Variants in PXN observed in about 807,000 individuals in gnomAD.
The protein encoded by PXN is paxillin, also known as testicular tissue protein Li 134.
A neutral mutation model predicts 103.6 loss-of-function variants in PXN; 61 were observed. That is an observed-to-expected ratio of 0.59 (90% confidence interval 0.48 to 0.73). PXN has a LOEUF of 0.73. PXN is among the 30% of genes least tolerant of loss of function. The probability of loss-of-function intolerance (pLI) is 0.00; values close to 1 mark genes in which losing one functional copy is unlikely to be tolerated. For missense variants in PXN, 1,274 were observed against 1,460.3 expected (o/e 0.87, Z 2.08); for synonymous variants, 562 against 607.8 (o/e 0.92, Z 1.11).
Position 120,224,593 on chromosome 12 carries a change from T to A in PXN, c.14-216A>T. ...CTAACTTCTTCTGGCCACCCAGGACTGAAAGTGCTCTAGAGGCGGGCTCTG... is the reference window on the plus strand; with the variant it reads ...CTAACTTCTTCTGGCCACCCAGGACAGAAAGTGCTCTAGAGGCGGGCTCTG... On this transcript the variant is annotated intron_variant, in intron 1 of 14. Transcript: ENST00000637617. This position sits in a 1 kb window ranked among gnomAD's most constrained non-coding sequence, Gnocchi z 5.0. The A allele has an allele frequency of 1.4e-6, 1 of 696,540 alleles. No homozygotes were observed. The allele number at this position is 696,540 out of a possible 1,614,324, so 43.1% of individuals were successfully genotyped here. A position where few individuals can be genotyped will look rare whatever the true frequency, so the allele number is the denominator to read the frequency against.
intron 1 of PXN, among the ~76,000 whole-genome samples, chr12:120,248,962 C>T (rs1248565031): frequency 6.6e-6 from 1 of 151,986 alleles, no homozygotes; most frequent in African/African-American, 2.4e-5. Flanking sequence ...CATGGTGAAA[C>T]TCCATCTCTA....
intron 1 of PXN, among the ~76,000 whole-genome samples, chr12:120,259,078 CAAACAAAAAA>C (rs1893459376): frequency 7.3e-6 from 1 of 137,556 alleles, no homozygotes; most frequent in Admixed American, 7.5e-5. Flanking sequence ...TCAAAACAAA[CAAACAAAAAA>C]AAACAAATAA....
Position 120,216,444 on chromosome 12 carries a change from G to C in PXN, c.2130C>G (p.Ser710=). ...TATAAGCTGAGGGCCCCAGGGGGGA[G>C]GAGGCGAGCAGGCTGGGCAGGGGAG... ...SSSPLPSLLA[S]SPLGPSAYTC... The change falls in exon 9 of 15, where the codon TCC becomes TCG. Residue 710 remains serine, a synonymous_variant. Coordinates refer to ENST00000637617, the MANE Select transcript of PXN (RefSeq NM_001385981.1). This position sits in a 1 kb window ranked among gnomAD's most constrained non-coding sequence, Gnocchi z 5.1. 7.3e-7 allele frequency: 1 copy of C among 1,378,440 alleles called. No individual in the cohort carries two copies. The highest frequency in any genetic ancestry group is 9.3e-7 in the Non-Finnish European group (1 of 1,075,470). The allele number at this position is 1,378,440 out of a possible 1,614,324, so 85.4% of individuals were successfully genotyped here.
At position 120,265,665 on chromosome 12, in the gene PXN, G is replaced by T; in HGVS notation, c.-36C>A. On this transcript the variant is annotated 5_prime_UTR_variant, in exon 1 of 15. Transcript: ENST00000637617. The surrounding 1 kb of genome is among the most constrained non-coding windows in gnomAD (Gnocchi z 5.7). ...CGGGCGCCGGCTCAGGGTCGCGCTA[G>T]CTGCCCGTCCCGGGGCCGCTCGTCT... 6.9e-7 allele frequency: 1 copy of T among 1,455,854 alleles called. No individual in the cohort carries two copies. Among genetic ancestry groups the T allele is most frequent in the Non-Finnish European group, 9.0e-7 (1 of 1,107,878 alleles). The allele number at this position is 1,455,854 out of a possible 1,614,324, so 90.2% of individuals were successfully genotyped here.
At position 120,224,187 on chromosome 12, in the gene PXN, C is replaced by A; in HGVS notation, c.204G>T (p.Gln68His). The A allele has an allele frequency of 3.1e-6, 5 of 1,605,832 alleles. No individual in the cohort carries two copies. Among genetic ancestry groups the A allele is most frequent in the Non-Finnish European group, 4.3e-6 (5 of 1,175,918 alleles). The change falls in exon 2 of 15, where the codon CAG becomes CAT. Residue 68 changes from glutamine (Q) to histidine (H), a missense_variant. Gln to His is a conservative substitution (Grantham distance 24). Around this residue, in one of 2 missense-constraint regions of PXN, gnomAD observed 1,178 missense variants for 1,309.0 expected, o/e 0.90. Coordinates refer to ENST00000637617, the MANE Select transcript of PXN (RefSeq NM_001385981.1). This position sits in a 1 kb window ranked among gnomAD's most constrained non-coding sequence, Gnocchi z 5.0. The part of the protein sequence containing the change: ...LNGTILDPLD[Q>H]WQPSSSRFIH... The stretch of plus-strand genomic sequence containing the variant: ...TGAATCGGGAGCTGCTGGGCTGCCA[C>A]TGGTCTAAGGGGTCAAGGATTGTGC...
intron 1 of PXN, among the ~76,000 whole-genome samples, chr12:120,239,569 G>C (rs1272176632): frequency 6.6e-6 from 1 of 151,828 alleles, no homozygotes; most frequent in Non-Finnish European, 1.5e-5. Context: ...GCAACAGAGT[G>C]AGACTCCGTC....
At chr12:120,240,666 G>A (rs1889985343) in intron 1 of PXN, among the ~76,000 whole-genome samples, 1 of 152,194 alleles carries the variant, frequency 6.6e-6, no homozygotes. Context: ...CCTCCCAGGA[G>A]TCCAGTCCAA....
At chr12:120,239,793 G>C (rs149524929) in intron 1 of PXN, among the ~76,000 whole-genome samples, 1 of 152,236 alleles carries the variant, frequency 6.6e-6, no homozygotes, top group Non-Finnish European at 1.5e-5. Flanking sequence ...TAAAAAATCT[G>C]AGCTAATCTG....
intron 1 of PXN, chr12:120,249,877 C>T: frequency 1.0e-6 from 1 of 985,530 alleles, no homozygotes; most frequent in Non-Finnish European, 1.2e-6. Context: ...CCAACAGCTA[C>T]CTCACCTCAA....
chr12:120,244,934 A>G (rs1353087445), intron 1 of PXN, among the ~76,000 whole-genome samples: 2 of 152,074 alleles, frequency 1.3e-5, no homozygotes, highest in East Asian at 3.8e-4. Flanking sequence ...TGGGTACTTA[A>G]GGTTTAAACT....
rs1566444923 is a variant in PXN at position 120,265,485 on chromosome 12, C to G, written c.13+132G>C. 3 of 1,077,090 alleles carry G rather than the reference C, an allele frequency of 2.8e-6. No individual in the cohort carries two copies. The highest frequency in any genetic ancestry group is 3.7e-6 in the Non-Finnish European group (3 of 812,346). The allele number at this position is 1,077,090 out of a possible 1,614,324, so 66.7% of individuals were successfully genotyped here. The stretch of plus-strand genomic sequence containing the variant: ...GGATCCCAGCCCCGCGGAGCCCCGG[C>G]CGGCAGGGACAGGAGCTGAGGCCGG... On this transcript the variant is annotated intron_variant, in intron 1 of 14. Coordinates refer to ENST00000637617, the MANE Select transcript of PXN (RefSeq NM_001385981.1). The surrounding 1 kb of genome is among the most constrained non-coding windows in gnomAD (Gnocchi z 5.7).
intron 1 of PXN, among the ~76,000 whole-genome samples, chr12:120,239,790 T>C (rs2136493194): frequency 6.6e-6 from 1 of 152,206 alleles, no homozygotes; most frequent in East Asian, 1.9e-4. Flanking sequence ...AAATAAAAAA[T>C]CTGAGCTAAT....
At chr12:120,240,056 G>C (rs1889876493) in intron 1 of PXN, among the ~76,000 whole-genome samples, 1 of 151,746 alleles carries the variant, frequency 6.6e-6, no homozygotes, top group Non-Finnish European at 1.5e-5. Flanking sequence ...GTCCAGCTCT[G>C]CCACTTGCTA....
rs888833242 is a variant in PXN at position 120,228,159 on chromosome 12, G to A, written c.14-3782C>T. Among the ~76,000 whole-genome samples, 2 of 152,220 alleles carry A rather than the reference G, an allele frequency of 1.3e-5. No homozygotes were observed. Among genetic ancestry groups the A allele is most frequent in the Non-Finnish European group, 1.5e-5 (1 of 68,036 alleles). ...AGGACAGATTCCAGACACGCTGCTCGGAAGTAGTCGGGAGACCTCATTCAA... is the reference window on the plus strand; with the variant it reads ...AGGACAGATTCCAGACACGCTGCTCAGAAGTAGTCGGGAGACCTCATTCAA... On this transcript the variant is annotated intron_variant, in intron 1 of 14. Coordinates refer to ENST00000637617, the MANE Select transcript of PXN (RefSeq NM_001385981.1). This position sits in a 1 kb window ranked among gnomAD's most constrained non-coding sequence, Gnocchi z 4.7.
chr12:120,256,935 C>T (rs989340861), intron 1 of PXN, among the ~76,000 whole-genome samples: 2 of 152,126 alleles, frequency 1.3e-5, no homozygotes, highest in Admixed American at 1.3e-4. Flanking sequence ...AAGCTGGTCT[C>T]GAACTCCCAA....
chr12:120,214,858 C>A lies in PXN; in HGVS notation c.2715G>T (p.Pro905=). 3 of 1,613,974 alleles carry A rather than the reference C, an allele frequency of 1.9e-6. No homozygotes were observed. The highest frequency in any genetic ancestry group is 2.5e-6 in the Non-Finnish European group (3 of 1,179,872). The change falls in exon 12 of 15, where the codon CCG becomes CCT. Residue 905 remains proline, a synonymous_variant. Coordinates refer to ENST00000637617, the MANE Select transcript of PXN (RefSeq NM_001385981.1). This position sits in a 1 kb window ranked among gnomAD's most constrained non-coding sequence, Gnocchi z 5.0. ...CEKDYHNLFS[P]RCYYCNGPIL... is the part of the protein sequence containing the mutation. ...TGGGGCCGTTGCAGTAGTAGCAGCG[C>A]GGGGAGAAGAGGTTGTGGTAGTCCT...
chr12:120,216,620 T>A lies in PXN; in HGVS notation c.1993-39A>T. Reference sequence around the variant, plus strand: ...AGGAGGGAGAGCGATGAGGAAGAAATCGCCAGCTCAGCCCACAGGGGTGGC... The same window carrying A: ...AGGAGGGAGAGCGATGAGGAAGAAAACGCCAGCTCAGCCCACAGGGGTGGC... On this transcript the variant is annotated intron_variant, in intron 8 of 14. Transcript: ENST00000637617. This position sits in a 1 kb window ranked among gnomAD's most constrained non-coding sequence, Gnocchi z 5.1. The A allele has an allele frequency of 6.6e-7, 1 of 1,507,240 alleles. No homozygotes were observed. The highest frequency in any genetic ancestry group is 1.3e-5 in the South Asian group (1 of 79,482). 93.4% of individuals were successfully genotyped at this position (1,507,240 alleles called of 1,614,324 possible).
Position 120,217,078 on chromosome 12 carries a change from G to A in PXN, c.1755C>T (p.His585=), listed in dbSNP as rs756513999. The change falls in exon 8 of 15, where the codon CAC becomes CAT. Residue 585 remains histidine (H), a synonymous_variant. Coordinates refer to ENST00000637617, the MANE Select transcript of PXN (RefSeq NM_001385981.1). This position sits in a 1 kb window ranked among gnomAD's most constrained non-coding sequence, Gnocchi z 4.1. ...AGGGCTCCCGGGACATGGGGTGTGC[G>A]TGGCCAGACTCCCAGCTCCTCCTGA... ...SVIRRSWESG[H]AHPMSREPSP... is the part of the protein sequence containing the mutation. The A allele has an allele frequency of 1.9e-5, 30 of 1,591,408 alleles. No homozygotes were observed. The highest frequency in any genetic ancestry group is 7.8e-5 in the South Asian group (7 of 89,374).
In PXN at chr12:120,217,067, A is replaced by T; in HGVS notation, c.1766T>A (p.Met589Lys). Residue 589 changes from methionine to lysine, a missense_variant, in exon 8 of 15, where the codon ATG (methionine) becomes AAG (lysine). Met to Lys is a moderately conservative substitution (Grantham distance 95). Around this residue, in one of 2 missense-constraint regions of PXN, gnomAD observed 1,178 missense variants for 1,309.0 expected, o/e 0.90. Coordinates refer to ENST00000637617, the MANE Select transcript of PXN (RefSeq NM_001385981.1). This position sits in a 1 kb window ranked among gnomAD's most constrained non-coding sequence, Gnocchi z 4.1. Reference sequence around the variant, plus strand: ...GCGGCGAGGGGAGGGCTCCCGGGACATGGGGTGTGCGTGGCCAGACTCCCA... The same window carrying T: ...GCGGCGAGGGGAGGGCTCCCGGGACTTGGGGTGTGCGTGGCCAGACTCCCA... ...RSWESGHAHP[M>K]SREPSPRRRL... 1 of 1,591,982 alleles carries T rather than the reference A, an allele frequency of 6.3e-7. No homozygotes were observed. Among genetic ancestry groups the T allele is most frequent in the Non-Finnish European group, 8.5e-7 (1 of 1,177,564 alleles).
Sources: allele counts gnomAD v4.1 joint callset (sites outside exome capture counted in the v4.1 genomes callset), GRCh38; gene constraint gnomAD v4.1.1; regional missense constraint gnomAD v4.1.1; non-coding constraint Gnocchi (gnomAD v3.1); transcripts MANE v1.5; gene names NCBI Gene and HGNC (gene_info 2026-07-23, HGNC 2026-07-21).